Variants in CEP250 observed in about 807,000 individuals in gnomAD.
CEP250 encodes centrosome-associated protein CEP250.
A neutral mutation model predicts 315.7 loss-of-function variants in CEP250; 242 were observed. The observed-to-expected ratio is 0.77, with a 90% CI of 0.69 to 0.85. The LOEUF is 0.85. Among genes scored for constraint, CEP250 ranks in the 40% least tolerant of loss-of-function variants. The pLI is 0.00. For synonymous variants in CEP250, 1,088 were observed against 1,175.0 expected, an observed-to-expected ratio of 0.93 and a Z score of 1.51; for missense variants, 2,515 against 2,886.4, an observed-to-expected ratio of 0.87 and a Z score of 2.95.
In CEP250 at chr20:35,462,166, A is replaced by G. The variant is rs2062771183; in HGVS notation, c.-103-99A>G. The G allele has an allele frequency of 1.1e-5, 5 of 465,046 alleles. No individual in the cohort carries two copies. The South Asian group carries it at 2.0e-4, about 18-fold the overall frequency. The allele number at this position is 465,046 out of a possible 1,614,324, so 28.8% of individuals were successfully genotyped here. A position where few individuals can be genotyped will look rare whatever the true frequency, so the allele number is the denominator to read the frequency against. ...AATGATGCTCATCATAGCGCCCTTC[A>G]GAGATGAGGGTCCCTTTTAGTATTT... On this transcript the variant is annotated intron_variant, in intron 3 of 34. Transcript: ENST00000397527.
At chr20:35,479,881 C>A in intron 19 of CEP250, 95 bp from the exon 20 acceptor site, 2 of 1,594,972 alleles carry the variant, frequency 1.3e-6, no homozygotes, top group Non-Finnish European at 1.7e-6. Flanking sequence ...TGCAGGGCCT[C>A]TGAGATGGGA....
chr20:35,503,572 GAGA>G lies in CEP250; in HGVS notation c.5206_5208del (p.Lys1736del), dbSNP rs1181372989. 2 of 1,613,738 alleles carry G rather than the reference GAGA, an allele frequency of 1.2e-6. No individual in the cohort carries two copies. Among genetic ancestry groups the G allele is most frequent in the Non-Finnish European group, 1.7e-6 (2 of 1,179,748 alleles). ...CATGAAGCTGATCCTGCGTGATAAG[GAGA>G]AGGAGGTGGAATGTCAGCAGGAGCA... On this transcript the variant is annotated inframe_deletion, in exon 30 of 35. Transcript: ENST00000397527. The surrounding 1 kb of genome is among the most constrained non-coding windows in gnomAD (Gnocchi z 4.2).
In CEP250 at chr20:35,463,577, G is replaced by C. The variant is rs766614597; in HGVS notation, c.189G>C (p.Val63=). The C allele has an allele frequency of 6.2e-7, 1 of 1,608,624 alleles. No individual in the cohort carries two copies. Among genetic ancestry groups the C allele is most frequent in the East Asian group, 2.2e-5 (1 of 44,502 alleles). The change falls in exon 5 of 35, where the codon GTG becomes GTC. Residue 63 remains valine, a splice_region_variant and synonymous_variant. Transcript: ENST00000397527. The part of the protein sequence containing the change: ...ATLVRKLQAK[V]LQYRSWCQEL... ...AGGGCCTGTTCTTTTTGCTGCAGGT[G>C]CTGCAGTACCGAAGCTGGTGCCAAG...
chr20:35,496,788 C>G (rs186635244), intron 25 of CEP250, 73 bp downstream of exon 25: 4 of 1,516,778 alleles, frequency 2.6e-6, no homozygotes, highest in African/African-American at 2.8e-5. Flanking sequence ...ATTGATTGCT[C>G]TGAGTCCTCT....
rs143675629 is a variant in CEP250 at position 35,483,595 on chromosome 20, C to A, written c.2586+3450C>A. ...ATGTTATCCAGGCTGGTCTCGAACT[C>A]CTGGGCTCAAGCTGTCCTCTTGCCT... On this transcript the variant is annotated intron_variant, in intron 20 of 34. Transcript: ENST00000397527. Among the ~76,000 whole-genome samples, 1,391 of 151,512 alleles carry A rather than the reference C, an allele frequency of 9.2e-3. 16 individuals carry two copies. Among genetic ancestry groups the A allele is most frequent in the African/African-American group, 0.031 (1,287 of 41,298 alleles).
intron 3 of CEP250, among the ~76,000 whole-genome samples, chr20:35,462,028 G>C (rs959854567): frequency 3.3e-5 from 5 of 152,206 alleles, no homozygotes; most frequent in African/African-American, 1.2e-4. Context: ...ACTGTGCCAG[G>C]AACTAAGGAT....
intron 32 of CEP250, 151 bp from the exon 33 acceptor site, chr20:35,508,792 C>A: frequency 1.5e-6 from 1 of 652,760 alleles, no homozygotes. Flanking sequence ...GAGGCCTGCC[C>A]TAGCTGTGCC....
intron 10 of CEP250, 38 bp from the exon 11 acceptor site, chr20:35,472,012 G>C: frequency 3.3e-6 from 4 of 1,223,116 alleles, no homozygotes; most frequent in Non-Finnish European, 4.8e-6. Context: ...TCACTTTTGA[G>C]AGTTTGGCTC....
chr20:35,504,102 T>G lies in CEP250; in HGVS notation c.5733T>G (p.Ala1911=). The G allele has an allele frequency of 6.2e-7, 1 of 1,612,374 alleles. No homozygotes were observed. Residue 1911 remains alanine (A), a synonymous_variant, in exon 30 of 35, where the codon GCT becomes GCG. Coordinates refer to ENST00000397527, the MANE Select transcript of CEP250 (RefSeq NM_007186.6). ...TGTTGGCCCTCCAGCAGCAGTGTGC[T>G]GAGCAGGCACAGGAGCATGAGGTGG... ...KALLALQQQC[A]EQAQEHEVET...
At position 35,488,794 on chromosome 20, in the gene CEP250, G is replaced by T. The variant is rs187510348; in HGVS notation, c.2587-1843G>T. Among the ~76,000 whole-genome samples, 161 of 152,256 alleles carry T rather than the reference G, an allele frequency of 1.1e-3. 1 individual carries two copies. The Middle Eastern group carries it at 0.02, about 19-fold the overall frequency. On this transcript the variant is annotated intron_variant, in intron 20 of 34. Transcript: ENST00000397527. ...ACTGTCAATTGTATGGTCTGGGAAG[G>T]CTTCACCAAGGAAGTGTTAGTTTAG... is the stretch of plus-strand genomic sequence containing the variant.
intron 10 of CEP250, among the ~76,000 whole-genome samples, chr20:35,470,614 G>C (rs766043278): frequency 6.6e-6 from 1 of 152,170 alleles, no homozygotes; most frequent in Admixed American, 6.5e-5. Context: ...TTAGCCGGTC[G>C]TGGTGGCACA....
At chr20:35,509,925 T>G in intron 33 of CEP250, 73 bp from the exon 34 acceptor site, 2 of 1,371,194 alleles carry the variant, frequency 1.5e-6, no homozygotes, top group South Asian at 2.3e-5. Context: ...GTGATGAGGT[T>G]CTGCAAGGAA....
In CEP250 at chr20:35,503,483, T is replaced by G. The variant is rs1381226717; in HGVS notation, c.5114T>G (p.Leu1705Arg). The stretch of plus-strand genomic sequence containing the variant: ...CGGGAGCTGACCACTCAGAGGCAGC[T>G]GATGCAGGAACGGGCAGAGGAAGGG... ...RGRELTTQRQ[L>R]MQERAEEGKG... Residue 1705 changes from leucine (L) to arginine (R), a missense_variant, in exon 30 of 35, where the codon CTG (leucine) becomes CGG (arginine). Coordinates refer to ENST00000397527, the MANE Select transcript of CEP250 (RefSeq NM_007186.6). The surrounding 1 kb of genome is among the most constrained non-coding windows in gnomAD (Gnocchi z 4.2). 6.2e-7 allele frequency: 1 copy of G among 1,613,838 alleles called. No homozygotes were observed. Among genetic ancestry groups the G allele is most frequent in the Non-Finnish European group, 8.5e-7 (1 of 1,180,002 alleles).
rs1361924587 is a variant in CEP250 at position 35,511,749 on chromosome 20, G to A, written c.*123G>A. ...AGGCACCCAGGAGCCCCAGGTCGGC[G>A]GGTGTTCCCAGGAAGAGGAAGTAAA... is the stretch of plus-strand genomic sequence containing the variant. On this transcript the variant is annotated 3_prime_UTR_variant, in exon 35 of 35. Coordinates refer to ENST00000397527, the MANE Select transcript of CEP250 (RefSeq NM_007186.6). 9.0e-6 allele frequency: 13 copies of A among 1,436,992 alleles called. No homozygotes were observed. The highest frequency in any genetic ancestry group is 2.9e-5 in the African/African-American group (2 of 69,836). 89.0% of individuals were successfully genotyped at this position (1,436,992 alleles called of 1,614,324 possible). A position where few individuals can be genotyped will look rare whatever the true frequency, so the allele number is the denominator to read the frequency against.
intron 20 of CEP250, among the ~76,000 whole-genome samples, chr20:35,486,067 T>A (rs1389159188): frequency 6.7e-6 from 1 of 149,728 alleles, no homozygotes; most frequent in Non-Finnish European, 1.5e-5. Context: ...ACAGTCTTGC[T>A]CTGTTGCACA....
Position 35,478,092 on chromosome 20 carries a change from A to C in CEP250, c.2085A>C (p.Lys695Asn). ...AAGAGAAGGAAGAAATTCAAAAGAA[A>C]CTAAGTGAGGTGAGAAGCCAAAATG... ...IQEEKEEIQK[K>N]LSESRHQQEA... Residue 695 changes from lysine (K) to asparagine (N), a missense_variant, in exon 17 of 35, where the codon AAA (lysine) becomes AAC (asparagine). Transcript: ENST00000397527. 6.2e-7 allele frequency: 1 copy of C among 1,613,128 alleles called. No homozygotes were observed. Among genetic ancestry groups the C allele is most frequent in the Non-Finnish European group, 8.5e-7 (1 of 1,179,378 alleles).
Position 35,498,693 on chromosome 20 carries a change from C to A in CEP250, c.3754C>A (p.Leu1252Met), listed in dbSNP as rs1215682105. ...ASALHKLHQD[L>M]WKTQQTRDVL... ...TGCCCTCCACAAGCTTCATCAAGAC[C>A]TGTGGAAGACTCAACAGACCCGGGT... The change falls in exon 27 of 35, where the codon CTG becomes ATG. Residue 1252 changes from leucine (L) to methionine (M), a missense_variant. Transcript: ENST00000397527. 1 of 1,594,940 alleles carries A rather than the reference C, an allele frequency of 6.3e-7. No homozygotes were observed. Among genetic ancestry groups the A allele is most frequent in the African/African-American group, 1.4e-5 (1 of 73,436 alleles).
Position 35,494,495 on chromosome 20 carries a change from T to C in CEP250, c.3034-29T>C, listed in dbSNP as rs753109107. ...TTCCCACCGGCCCCCTGCCCTGCCATCTTGGTCTTCATGCCCTTAATTTTC... is the reference window on the plus strand; with the variant it reads ...TTCCCACCGGCCCCCTGCCCTGCCACCTTGGTCTTCATGCCCTTAATTTTC... On this transcript the variant is annotated intron_variant, in intron 23 of 34. Transcript: ENST00000397527. 3.7e-6 allele frequency: 6 copies of C among 1,612,674 alleles called. No homozygotes were observed. In the Admixed American group the frequency reaches 1.0e-4, roughly 27 times the overall value.
chr20:35,487,691 T>A (rs908397981), intron 20 of CEP250, among the ~76,000 whole-genome samples: 2 of 151,824 alleles, frequency 1.3e-5, no homozygotes, highest in African/African-American at 2.4e-5. Flanking sequence ...TTCCAACAAT[T>A]TGGGAGGCCA....
Sources: gnomAD v4.1 joint callset for allele counts (sites outside exome capture counted in the v4.1 genomes callset) on GRCh38, gnomAD v4.1.1 for gene constraint, Gnocchi (gnomAD v3.1) non-coding constraint, MANE v1.5 for transcripts, NCBI Gene and HGNC (gene_info 2026-07-23, HGNC 2026-07-21) for gene names.